Variants in L3MBTL4 observed in about 807,000 individuals in gnomAD.
The protein encoded by L3MBTL4 is lethal(3)malignant brain tumor-like protein 4.
A neutral mutation model predicts 84.5 loss-of-function variants in L3MBTL4; 70 were observed. The observed-to-expected ratio is 0.83, with a 90% CI of 0.68 to 1.01. The LOEUF (loss-of-function observed/expected upper bound fraction) is 1.01, where lower values mean the gene tolerates loss of function less well. Ranked by LOEUF, L3MBTL4 falls within the 50% of genes least tolerant of loss-of-function variation. L3MBTL4 has a pLI of 0.00. For synonymous variants in L3MBTL4, 274 were observed against 259.8 expected, an observed-to-expected ratio of 1.05 and a Z score of -0.52; for missense variants, 715 against 754.8, an observed-to-expected ratio of 0.95 and a Z score of 0.62.
intron 17 of L3MBTL4, among the ~76,000 whole-genome samples, chr18:5,962,308 C>T (rs1051047661): frequency 1.3e-5 from 2 of 152,058 alleles, no homozygotes; most frequent in Admixed American, 6.5e-5. Flanking sequence ...TCCACCACGG[C>T]GATTTGGGGT....
intron 16 of L3MBTL4, among the ~76,000 whole-genome samples, chr18:6,038,399 G>T (rs111615798): frequency 2.0e-5 from 3 of 151,790 alleles, no homozygotes; most frequent in Admixed American, 2.0e-4. Flanking sequence ...GACTATAGGC[G>T]TCCGCCACCG....
intron 16 of L3MBTL4, among the ~76,000 whole-genome samples, chr18:6,020,698 T>C (rs2055209196): frequency 1.3e-5 from 2 of 152,134 alleles, no homozygotes. Flanking sequence ...TAATTGGTTA[T>C]AGGTGATTTG....
At chr18:6,018,094 A>G (rs903005526) in intron 16 of L3MBTL4, among the ~76,000 whole-genome samples, 1 of 152,166 alleles carries the variant, frequency 6.6e-6, no homozygotes, top group Non-Finnish European at 1.5e-5. Context: ...ATTTCAAGAA[A>G]TGTTTGGGAT....
chr18:6,212,146 C>T (rs989570703), intron 12 of L3MBTL4, among the ~76,000 whole-genome samples: 1 of 151,878 alleles, frequency 6.6e-6, no homozygotes, highest in Non-Finnish European at 1.5e-5. Flanking sequence ...TATGTTATTC[C>T]TGAATATTAT....
intron 16 of L3MBTL4, among the ~76,000 whole-genome samples, chr18:6,060,449 TAA>T (rs201281102): frequency 1.3e-5 from 2 of 149,726 alleles, no homozygotes; most frequent in African/African-American, 4.9e-5. Context: ...TTTAGGTTTA[TAA>T]AAAAAAAATT....
At chr18:6,020,906 G>C (rs2055220130) in intron 16 of L3MBTL4, among the ~76,000 whole-genome samples, 1 of 152,146 alleles carries the variant, frequency 6.6e-6, no homozygotes, top group African/African-American at 2.4e-5. Flanking sequence ...AACTTTGGAA[G>C]CCATTAGCCA....
chr18:5,981,371 T>C (rs1472927640), intron 16 of L3MBTL4, among the ~76,000 whole-genome samples: 3 of 152,222 alleles, frequency 2.0e-5, no homozygotes, highest in Non-Finnish European at 4.4e-5. Flanking sequence ...GTATTCTTGG[T>C]ATTCCATAGA....
At chr18:6,011,868 T>A (rs2054754849) in intron 16 of L3MBTL4, among the ~76,000 whole-genome samples, 2 of 152,192 alleles carry the variant, frequency 1.3e-5, no homozygotes, top group South Asian at 4.1e-4. Flanking sequence ...TGGCTGAAGT[T>A]GAATTGTTAA....
At position 6,138,270 on chromosome 18, in the gene L3MBTL4, C is replaced by T; in HGVS notation, c.1123G>A (p.Gly375Ser). The T allele has an allele frequency of 6.2e-7, 1 of 1,612,462 alleles. No individual in the cohort carries two copies. Among genetic ancestry groups the T allele is most frequent in the Non-Finnish European group, 8.5e-7 (1 of 1,179,118 alleles). The change falls in exon 14 of 19, where the codon GGT becomes AGT. Residue 375 changes from glycine (G) to serine (S), a missense_variant. Physicochemically the swap from Gly to Ser is moderately conservative, Grantham distance 56 (BLOSUM62 0). Coordinates refer to ENST00000317931, the MANE Select transcript of L3MBTL4 (RefSeq NM_001330559.2). ...QRTNDLKILP[G>S]QAVCPTPGCR... is the part of the protein sequence containing the mutation. Reference sequence around the variant, plus strand: ...CCGGGAGTAGGACAGACAGCTTGACCTGGAAGGATCTTCAGGTCATTCGTT... The same window carrying T: ...CCGGGAGTAGGACAGACAGCTTGACTTGGAAGGATCTTCAGGTCATTCGTT...
At chr18:6,116,108 A>G (rs1420304535) in intron 14 of L3MBTL4, among the ~76,000 whole-genome samples, 1 of 152,212 alleles carries the variant, frequency 6.6e-6, no homozygotes, top group Non-Finnish European at 1.5e-5. Flanking sequence ...TCTAATAGCT[A>G]AAGTGGTAGT....
chr18:6,274,476 C>T (rs1471474368), intron 4 of L3MBTL4, among the ~76,000 whole-genome samples: 1 of 152,196 alleles, frequency 6.6e-6, no homozygotes, highest in Non-Finnish European at 1.5e-5. Context: ...TTTTGCACTA[C>T]AGCCCATTAC....
chr18:6,189,226 G>T (rs2044941558), intron 12 of L3MBTL4, among the ~76,000 whole-genome samples: 1 of 152,022 alleles, frequency 6.6e-6, no homozygotes, highest in Non-Finnish European at 1.5e-5. Context: ...TCTCTTATAA[G>T]GATACTTGTC....
intron 1 of L3MBTL4, among the ~76,000 whole-genome samples, chr18:6,361,003 A>G (rs1350983430): frequency 6.7e-6 from 1 of 149,436 alleles, no homozygotes; most frequent in Non-Finnish European, 1.5e-5. Context: ...AGGCAAGAGA[A>G]TAAGACTCTA....
At chr18:6,046,896 C>A in intron 16 of L3MBTL4, 1 of 565,260 alleles carries the variant, frequency 1.8e-6, no homozygotes. Context: ...AAAGAATTGA[C>A]TAAAATCAGA....
At chr18:6,268,263 C>T (rs1297265189) in intron 4 of L3MBTL4, among the ~76,000 whole-genome samples, 3 of 152,060 alleles carry the variant, frequency 2.0e-5, no homozygotes, top group Non-Finnish European at 2.9e-5. Context: ...AAAAATTAGC[C>T]GGGCATAGTG....
intron 13 of L3MBTL4, among the ~76,000 whole-genome samples, chr18:6,153,485 G>A (rs1321893936): frequency 6.6e-6 from 1 of 152,070 alleles, no homozygotes; most frequent in Non-Finnish European, 1.5e-5. Flanking sequence ...ATTGTAAATG[G>A]AATTTGGATA....
chr18:6,243,399 C>CA lies in L3MBTL4; in HGVS notation c.354dup (p.Asp119Ter). The CA allele has an allele frequency of 6.2e-7, 1 of 1,607,280 alleles. No homozygotes were observed. Among genetic ancestry groups the CA allele is most frequent in the African/African-American group, 1.3e-5 (1 of 74,936 alleles). ...AAATCATAGCAACTTAAATAACCAT[C>CA]AAAATGAAGTCTTAGACGGTAACCA... On this transcript the variant is annotated frameshift_variant, in exon 7 of 19. Coordinates refer to ENST00000317931, the MANE Select transcript of L3MBTL4 (RefSeq NM_001330559.2). LOFTEE classifies it high-confidence loss of function.
At chr18:5,969,352 C>T (rs2052516162) in intron 17 of L3MBTL4, 41 bp downstream of exon 17, 2 of 1,606,936 alleles carry the variant, frequency 1.2e-6, no homozygotes, top group Admixed American at 1.7e-5. Flanking sequence ...TTCTCAGCAG[C>T]AGGCACACCC....
intron 14 of L3MBTL4, among the ~76,000 whole-genome samples, chr18:6,110,633 G>A (rs1414021331): frequency 3.3e-5 from 5 of 151,656 alleles, no homozygotes; most frequent in African/African-American, 1.2e-4. Context: ...ACATGTGGGT[G>A]CACATGTGTA....
Sources: gnomAD v4.1 joint callset for allele counts (sites outside exome capture counted in the v4.1 genomes callset) on GRCh38, gnomAD v4.1.1 for gene constraint, MANE v1.5 for transcripts, NCBI Gene and HGNC (gene_info 2026-07-23, HGNC 2026-07-21) for gene names.